ATMIN: variants seen among roughly 807,000 people sequenced by gnomAD.
ATMIN encodes ATM INteracting protein.
Under a neutral mutation model 49.2 loss-of-function variants are expected in ATMIN, and 24 were observed. The observed-to-expected ratio is 0.49, with a 90% CI of 0.35 to 0.69. The LOEUF (loss-of-function observed/expected upper bound fraction) is 0.69. ATMIN is among the 30% of genes least tolerant of loss of function. The pLI, the probability that ATMIN is intolerant of heterozygous loss-of-function variation, is 0.00. For missense variants in ATMIN, 1,037 were observed against 1,005.5 expected (o/e 1.03, Z -0.42); for synonymous variants, 450 against 392.5 (o/e 1.15, Z -1.73).
chr16:81,043,914 A>C lies in ATMIN; in HGVS notation c.1416A>C (p.Ile472=). The change falls in exon 4 of 4, where the codon ATA becomes ATC. Residue 472 remains isoleucine, a synonymous_variant. Coordinates refer to ENST00000299575, the MANE Select transcript of ATMIN (RefSeq NM_015251.3). ...CCAGCTCTAAGGTAACTTCATCTAT[A>C]GCTGCTCAGACTGATGCATTTATGG... The part of the protein sequence containing the change: ...FLPSSKVTSS[I]AAQTDAFMDT... 1 of 1,614,172 alleles carries C rather than the reference A, an allele frequency of 6.2e-7. No individual in the cohort carries two copies. The highest frequency in any genetic ancestry group is 8.5e-7 in the Non-Finnish European group (1 of 1,180,026).
Position 81,035,913 on chromosome 16 carries a change from C to G in ATMIN, c.43C>G (p.Leu15Val), listed in dbSNP as rs1970918540. 3 of 986,964 alleles carry G rather than the reference C, an allele frequency of 3.0e-6. No homozygotes were observed. Among genetic ancestry groups the G allele is most frequent in the Non-Finnish European group, 3.6e-6 (3 of 832,298 alleles). The allele number at this position is 986,964 out of a possible 1,614,324, so 61.1% of individuals were successfully genotyped here. Residue 15 changes from leucine (L) to valine (V), a missense_variant, in exon 1 of 4, where the codon CTG becomes GTG. By Grantham distance (32) the Leu-to-Val change is conservative. Coordinates refer to ENST00000299575, the MANE Select transcript of ATMIN (RefSeq NM_015251.3). ...GGCGGCGGCGGCGGGGTCCGCGGCT[C>G]TGGCGGCGGGTGCCCGGGCCGTCCC... ...EAAAAAGSAA[L>V]AAGARAVPAA...
rs563397275 is a variant in ATMIN at position 81,043,687 on chromosome 16, C to G, written c.1189C>G (p.Gln397Glu). ...TGGTAAAAGTCCATCTAATCCTTTA[C>G]AAGAACTAGGGAACACGTGTCAAAA... Reference protein sequence around the residue: ...NFGKSPSNPLQELGNTCQKNS... With the variant: ...NFGKSPSNPLEELGNTCQKNS... Residue 397 changes from glutamine (Q) to glutamate (E), a missense_variant, in exon 4 of 4, where the codon CAA becomes GAA. Gln to Glu is a conservative substitution (Grantham distance 29, BLOSUM62 2). Transcript: ENST00000299575. The G allele has an allele frequency of 1.9e-6, 3 of 1,614,188 alleles. No individual in the cohort carries two copies. The highest frequency in any genetic ancestry group is 1.7e-5 in the Admixed American group (1 of 60,016).
chr16:81,037,071 A>G (rs571157511), intron 1 of ATMIN: 12 of 609,004 alleles, frequency 2.0e-5, no homozygotes, highest in South Asian at 7.3e-5. Flanking sequence ...GTCATTTTCA[A>G]CCTTGGGACA....
chr16:81,037,598 A>G, intron 1 of ATMIN: 1 of 677,020 alleles, frequency 1.5e-6, no homozygotes. Flanking sequence ...TTTCATACTA[A>G]ATTTTAACTA....
intron 1 of ATMIN, chr16:81,037,510 T>G (rs565854542): frequency 3.0e-6 from 3 of 985,158 alleles, no homozygotes; most frequent in Non-Finnish European, 1.2e-6. Context: ...TGGGGCCGAA[T>G]TGTTGGACTG....
chr16:81,037,054 CAG>C (rs1460977043), intron 1 of ATMIN: 3 of 410,906 alleles, frequency 7.3e-6, no homozygotes, highest in African/African-American at 2.2e-5. Flanking sequence ...TTATGCAAAA[CAG>C]GGCAGTCATT....
Position 81,035,882 on chromosome 16 carries a change from G to C in ATMIN, c.12G>C (p.Ser4=), listed in dbSNP as rs1261450498. Residue 4 remains serine, a synonymous_variant, in exon 1 of 4, where the codon TCG becomes TCC. Transcript: ENST00000299575. The part of the protein sequence containing the change: MAA[S]EAAAAAGSAA... ...GCCGTGCGGGAGCCATGGCGGCCTC[G>C]GAGGCGGCGGCGGCGGCGGGGTCCG... The C allele has an allele frequency of 6.3e-6, 6 of 959,442 alleles. No homozygotes were observed. Among genetic ancestry groups the C allele is most frequent in the Non-Finnish European group, 7.4e-6 (6 of 809,152 alleles). 59.4% of individuals were successfully genotyped at this position (959,442 alleles called of 1,614,324 possible).
chr16:81,044,476 A>G lies in ATMIN; in HGVS notation c.1978A>G (p.Thr660Ala), dbSNP rs36040615. Residue 660 changes from threonine (T) to alanine (A), a missense_variant, in exon 4 of 4, where the codon ACC becomes GCC. Coordinates refer to ENST00000299575, the MANE Select transcript of ATMIN (RefSeq NM_015251.3). ...QTEESELSTM[T>A]TEPVLESLDI... The stretch of plus-strand genomic sequence containing the variant: ...TGAAGAGAGTGAACTTAGCACCATG[A>G]CCACCGAGCCAGTCTTGGAGTCACT... The G allele has an allele frequency of 8.7e-3, 14,037 of 1,614,094 alleles. 214 individuals carry two copies. The highest frequency in any genetic ancestry group is 0.057 in the East Asian group (2,539 of 44,874).
chr16:81,042,470 G>A lies in ATMIN; in HGVS notation c.652G>A (p.Ala218Thr). Residue 218 changes from alanine (A) to threonine (T), a missense_variant, in exon 3 of 4, where the codon GCA (alanine) becomes ACA (threonine). Ala to Thr is a moderately conservative substitution (Grantham distance 58). Transcript: ENST00000299575. ...CTACCGAACTGGGCACGAGATACCT[G>A]CAGAACACAGGTGAAGGGAAAGAAA... is the stretch of plus-strand genomic sequence containing the variant. ...HIYRTGHEIP[A>T]EHRDPPSKKR... 2 of 1,614,120 alleles carry A rather than the reference G, an allele frequency of 1.2e-6. No individual in the cohort carries two copies. Among genetic ancestry groups the A allele is most frequent in the Non-Finnish European group, 1.7e-6 (2 of 1,179,980 alleles).
rs1001714675 is a variant in ATMIN at position 81,047,241 on chromosome 16, T to C, written c.*2271T>C. 2 of 152,228 alleles carry C rather than the reference T, an allele frequency of 1.3e-5. No homozygotes were observed. The highest frequency in any genetic ancestry group is 2.4e-5 in the African/African-American group (1 of 41,450). The allele number at this position is 152,228 out of a possible 1,614,324, so 9.4% of individuals were successfully genotyped here. ...TTAAAGAGAAGCCAGAATTGTACCC[T>C]TTTTTGTGAATTCTTGAACGTACTC... On this transcript the variant is annotated 3_prime_UTR_variant, in exon 4 of 4. Transcript: ENST00000299575.
rs1036388632 is a variant in ATMIN at position 81,045,045 on chromosome 16, A to G, written c.*75A>G. On this transcript the variant is annotated 3_prime_UTR_variant, in exon 4 of 4. Transcript: ENST00000299575. ...ATTAAAACTACGGACTGGGGACAAC[A>G]GTATTAATTCGATTGAATGTGGCTG... 7.9e-6 allele frequency: 12 copies of G among 1,521,580 alleles called. No homozygotes were observed. In the Admixed American group the frequency reaches 2.1e-4, roughly 27 times the overall value. The allele number at this position is 1,521,580 out of a possible 1,614,324, so 94.3% of individuals were successfully genotyped here.
At chr16:81,036,233 G>T (rs759165833) in intron 1 of ATMIN, 27 bp downstream of exon 1, 11 of 1,369,360 alleles carry the variant, frequency 8.0e-6, no homozygotes, top group Non-Finnish European at 1.0e-5. Context: ...CGGCGGCCCG[G>T]GGGGCCGGGC....
chr16:81,036,296 C>T (rs1255411860), intron 1 of ATMIN, 90 bp downstream of exon 1: 6 of 1,086,272 alleles, frequency 5.5e-6, no homozygotes, highest in Non-Finnish European at 6.7e-6. Context: ...CTCGGGGGGA[C>T]GAGCGCCCTG....
rs769279443 is a variant in ATMIN at position 81,043,376 on chromosome 16, A to G, written c.878A>G (p.Lys293Arg). Residue 293 changes from lysine (K) to arginine (R), a missense_variant, in exon 4 of 4, where the codon AAG becomes AGG. Physicochemically the swap from Lys to Arg is conservative, Grantham distance 26. Transcript: ENST00000299575. ...ACAACACCACCGAGATATCCTCAGA[A>G]GTTGCTTTTACCAAAGCCCAAAGTG... ...TLTTPPRYPQ[K>R]LLLPKPKVAL... 11 of 1,613,824 alleles carry G rather than the reference A, an allele frequency of 6.8e-6. No homozygotes were observed. In the Admixed American group the frequency reaches 1.0e-4, roughly 15 times the overall value.
chr16:81,038,273 G>A (rs1970980188), intron 1 of ATMIN, among the ~76,000 whole-genome samples: 1 of 152,018 alleles, frequency 6.6e-6, no homozygotes, highest in Admixed American at 6.6e-5. Context: ...TGGGATTACA[G>A]GTGCATACCA....
intron 1 of ATMIN, among the ~76,000 whole-genome samples, chr16:81,038,996 A>AT (rs1970994306): frequency 6.6e-6 from 1 of 152,098 alleles, no homozygotes; most frequent in African/African-American, 2.4e-5. Context: ...GGGTTTCGCC[A>AT]TGTTGGTCGG....
Position 81,046,190 on chromosome 16 carries a change from TGA to T in ATMIN, c.*1222_*1223del, listed in dbSNP as rs1971116534. 1.3e-5 allele frequency: 2 copies of T among 152,086 alleles called. No individual in the cohort carries two copies. The allele number at this position is 152,086 out of a possible 1,614,324, so 9.4% of individuals were successfully genotyped here. A position where few individuals can be genotyped will look rare whatever the true frequency, so the allele number is the denominator to read the frequency against. On this transcript the variant is annotated 3_prime_UTR_variant, in exon 4 of 4. Coordinates refer to ENST00000299575, the MANE Select transcript of ATMIN (RefSeq NM_015251.3). Reference sequence around the variant, plus strand: ...CCCAAGTGCATCCACAAGCTGGATCTGAGTTTTGTCACTCTAAAATTAAACAA... The same window carrying T: ...CCCAAGTGCATCCACAAGCTGGATCTGTTTTGTCACTCTAAAATTAAACAA...
rs925117033 is a variant in ATMIN at position 81,047,321 on chromosome 16, C to G, written c.*2351C>G. 6.6e-5 allele frequency: 10 copies of G among 152,106 alleles called. No individual in the cohort carries two copies. The highest frequency in any genetic ancestry group is 2.4e-4 in the African/African-American group (10 of 41,396). The allele number at this position is 152,106 out of a possible 1,614,324, so 9.4% of individuals were successfully genotyped here. On this transcript the variant is annotated 3_prime_UTR_variant, in exon 4 of 4. Transcript: ENST00000299575. ...TTTTCACTCATTGTCTTTTGAAAGC[C>G]ATATGATAAAATGATTTTATTTAAT...
rs151107123 is a variant in ATMIN, at chr16:81,037,004, A to G, written c.336+798A>G. 1.5e-3 allele frequency among the ~76,000 whole-genome samples: 223 copies of G among 152,342 alleles called. 1 individual carries two copies. The highest frequency in any genetic ancestry group is 5.2e-3 in the African/African-American group (217 of 41,584). ...TGGCTCTTCTTTAAGAGGGGGACAC[A>G]GTAAATACACCATGACAATAGTCTC... On this transcript the variant is annotated intron_variant, in intron 1 of 3. Coordinates refer to ENST00000299575, the MANE Select transcript of ATMIN (RefSeq NM_015251.3).
Sources: allele counts gnomAD v4.1 joint callset (sites outside exome capture counted in the v4.1 genomes callset), GRCh38; gene constraint gnomAD v4.1.1; transcripts MANE v1.5; gene names NCBI Gene and HGNC (gene_info 2026-07-23, HGNC 2026-07-21).